KCNK2: variants seen among roughly 807,000 people sequenced by gnomAD.
The protein encoded by KCNK2 is potassium channel subfamily K member 2.
Under a neutral mutation model 40.5 loss-of-function variants are expected in KCNK2, and 21 were observed. That is an observed-to-expected ratio of 0.52 (90% CI 0.37 to 0.75). The LOEUF (loss-of-function observed/expected upper bound fraction) is 0.75, where lower values mean the gene tolerates loss of function less well. KCNK2 is among the 30% of genes least tolerant of loss of function. The pLI is 0.00. For synonymous variants in KCNK2, 191 were observed against 202.2 expected (o/e 0.94, Z 0.47); for missense variants, 399 against 531.6 (o/e 0.75, Z 2.45).
intron 3 of KCNK2, among the ~76,000 whole-genome samples, chr1:215,127,383 A>T (rs1661482986): frequency 6.6e-6 from 1 of 152,244 alleles, no homozygotes; most frequent in Admixed American, 6.5e-5. Flanking sequence ...ATATCTAAAC[A>T]TCCTTTCCAA....
Position 215,169,252 on chromosome 1 carries a change from T to G in KCNK2, c.529T>G (p.Tyr177Asp). ...TEGGKIFCII[Y>D]ALLGIPLFGF... ...AGGCGGCAAAATATTCTGTATCATCTATGCCTTACTGGGAATTCCCCTCTT... is the reference window on the plus strand; with the variant it reads ...AGGCGGCAAAATATTCTGTATCATCGATGCCTTACTGGGAATTCCCCTCTT... Residue 177 changes from tyrosine (Y) to aspartate (D), a missense_variant, in exon 4 of 7, where the codon TAT becomes GAT. Coordinates refer to ENST00000444842, the MANE Select transcript of KCNK2 (RefSeq NM_001017425.3). 6.2e-7 allele frequency: 1 copy of G among 1,613,190 alleles called. No individual in the cohort carries two copies.
chr1:215,134,038 AG>A (rs1311312194), intron 3 of KCNK2, among the ~76,000 whole-genome samples: 1 of 152,144 alleles, frequency 6.6e-6, no homozygotes, highest in African/African-American at 2.4e-5. Flanking sequence ...CCCTTATTGA[AG>A]ATGCTAACAA....
chr1:215,152,718 A>G (rs72735364), intron 3 of KCNK2, among the ~76,000 whole-genome samples: 8,291 of 152,208 alleles, frequency 0.054, 297 homozygotes, highest in Middle Eastern at 0.11. Flanking sequence ...ATTTGTTTCT[A>G]TGTATAGCTT....
Position 215,230,487 on chromosome 1 carries a change from A to G in KCNK2, c.964-4341A>G, listed in dbSNP as rs1330290832. Among the ~76,000 whole-genome samples the G allele has an allele frequency of 2.3e-5, 3 of 132,292 alleles. No homozygotes were observed. In the East Asian group the frequency reaches 6.6e-4, roughly 29 times the overall value. 86.8% of individuals were successfully genotyped at this position (132,292 alleles called of 152,430 possible). On this transcript the variant is annotated intron_variant, in intron 6 of 6. Transcript: ENST00000444842. ...GCTGTAGATATATATATACACACAC[A>G]CACACACACACACACGGCTGTATAT...
chr1:215,007,011 A>ATGTGTGTG (rs1458691596), intron 1 of KCNK2, among the ~76,000 whole-genome samples: 8 of 17,260 alleles, frequency 4.6e-4, no homozygotes, highest in Admixed American at 2.3e-3. Context: ...ATATATATAT[A>ATGTGTGTG]TATATATATA....
chr1:215,197,285 C>T (rs1034855653), intron 6 of KCNK2, among the ~76,000 whole-genome samples: 8 of 152,254 alleles, frequency 5.3e-5, no homozygotes, highest in East Asian at 1.9e-4. Context: ...CAAAATAGGA[C>T]GGACTGGGTG....
chr1:215,030,235 G>GT (rs1194709301), intron 1 of KCNK2, among the ~76,000 whole-genome samples: 2 of 152,134 alleles, frequency 1.3e-5, no homozygotes, highest in Non-Finnish European at 2.9e-5. Flanking sequence ...TCTTTGACCC[G>GT]TTTTTTAATT....
chr1:215,169,184 G>A lies in KCNK2; in HGVS notation c.476-15G>A. On this transcript the variant is annotated splice_polypyrimidine_tract_variant and intron_variant, in intron 3 of 6. Transcript: ENST00000444842. The stretch of plus-strand genomic sequence containing the variant: ...CAACTATTATTCATTTGTAAACAAT[G>A]TAATTTTTTTAAAGGATTTGGAAAC... 1.3e-6 allele frequency: 2 copies of A among 1,582,648 alleles called. No homozygotes were observed. Among genetic ancestry groups the A allele is most frequent in the Non-Finnish European group, 1.7e-6 (2 of 1,165,106 alleles).
chr1:215,210,027 TA>T (rs1665663066), intron 6 of KCNK2, among the ~76,000 whole-genome samples: 1 of 32,796 alleles, frequency 3.0e-5, no homozygotes, highest in Non-Finnish European at 6.1e-5. Context: ...TAATATATAT[TA>T]TATATAATAT....
Position 215,234,826 on chromosome 1 carries a change from A to G in KCNK2, c.964-2A>G. ...TATCTTTTCTCTGCTTGTATGTTCCAGGTGGGAGAGTTCAGAGCACACGCT... is the reference window on the plus strand; with the variant it reads ...TATCTTTTCTCTGCTTGTATGTTCCGGGTGGGAGAGTTCAGAGCACACGCT... On this transcript the variant is annotated splice_acceptor_variant, in intron 6 of 6. Transcript: ENST00000444842. LOFTEE classifies it high-confidence loss of function. The G allele has an allele frequency of 6.2e-7, 1 of 1,605,616 alleles. No individual in the cohort carries two copies. Among genetic ancestry groups the G allele is most frequent in the African/African-American group, 1.3e-5 (1 of 74,876 alleles).
At chr1:215,161,175 T>C (rs1242237788) in intron 3 of KCNK2, among the ~76,000 whole-genome samples, 4 of 152,200 alleles carry the variant, frequency 2.6e-5, no homozygotes, top group African/African-American at 9.6e-5. Flanking sequence ...GCCCAAACTA[T>C]TGAGCATGGA....
At chr1:215,227,546 CTTT>C (rs1666433630) in intron 6 of KCNK2, among the ~76,000 whole-genome samples, 1 of 152,130 alleles carries the variant, frequency 6.6e-6, no homozygotes, top group African/African-American at 2.4e-5. Context: ...ACATGAGTCA[CTTT>C]AAAGAGTTGG....
upstream of KCNK2, among the ~76,000 whole-genome samples, chr1:215,081,095 A>T (rs894429754): frequency 2.6e-5 from 4 of 152,036 alleles, no homozygotes; most frequent in South Asian, 2.1e-4. Context: ...TTTCAGAGGG[A>T]CCTTCCAGCC....
At chr1:215,146,791 C>T (rs1050499380) in intron 3 of KCNK2, among the ~76,000 whole-genome samples, 3 of 152,184 alleles carry the variant, frequency 2.0e-5, no homozygotes, top group African/African-American at 7.2e-5. Flanking sequence ...AATTGTTTAA[C>T]TTTGTACACA....
chr1:215,119,310 G>A (rs1326888097), intron 2 of KCNK2, among the ~76,000 whole-genome samples: 1 of 152,142 alleles, frequency 6.6e-6, no homozygotes, highest in East Asian at 1.9e-4. Flanking sequence ...GCTCCAGAAT[G>A]CCAGATGGCA....
At chr1:215,120,752 C>A (rs547923172) in intron 2 of KCNK2, among the ~76,000 whole-genome samples, 1 of 152,240 alleles carries the variant, frequency 6.6e-6, no homozygotes, top group South Asian at 2.1e-4. Flanking sequence ...TATGAGTTCA[C>A]TAGATTAGAG....
chr1:215,172,982 T>C (rs1663786736), intron 5 of KCNK2, among the ~76,000 whole-genome samples: 1 of 152,032 alleles, frequency 6.6e-6, no homozygotes, highest in South Asian at 2.1e-4. Context: ...TTAAAATATA[T>C]ATATTTTTAT....
intron 1 of KCNK2, among the ~76,000 whole-genome samples, chr1:215,019,885 C>A (rs899723725): frequency 6.6e-6 from 1 of 152,004 alleles, no homozygotes; most frequent in Non-Finnish European, 1.5e-5. Context: ...AAAAAGGAGA[C>A]TACAATTTTT....
chr1:215,213,284 T>A (rs1050352390), intron 6 of KCNK2, among the ~76,000 whole-genome samples: 7 of 152,286 alleles, frequency 4.6e-5, no homozygotes, highest in African/African-American at 4.8e-5. Flanking sequence ...GCACTCTTCT[T>A]ATTTTAAATA....
Sources: gnomAD v4.1 joint callset for allele counts (sites outside exome capture counted in the v4.1 genomes callset) on GRCh38, gnomAD v4.1.1 for gene constraint, MANE v1.5 for transcripts, NCBI Gene and HGNC (gene_info 2026-07-23, HGNC 2026-07-21) for gene names.